The following CRTC3 variants were observed in gnomAD, a reference collection of about 807,000 sequenced individuals.
The protein encoded by CRTC3 is CREB regulated transcription coactivator 3.
In CRTC3, 26 loss-of-function variants were observed where a neutral mutation model predicts 74.5. The ratio of observed to expected loss-of-function variants is 0.35; its 90% CI spans 0.26 to 0.48. The LOEUF (loss-of-function observed/expected upper bound fraction) is 0.48. Ranked by LOEUF, CRTC3 falls within the 20% of genes least tolerant of loss-of-function variation. CRTC3 has a pLI of 0.99. For missense variants in CRTC3, 760 were observed against 787.3 expected, an observed-to-expected ratio of 0.97 and a Z score of 0.41; for synonymous variants, 377 against 325.8, an observed-to-expected ratio of 1.16 and a Z score of -1.69.
intron 6 of CRTC3, among the ~76,000 whole-genome samples, chr15:90,609,823 A>G (rs1247631596): frequency 6.6e-6 from 1 of 152,212 alleles, no homozygotes; most frequent in Non-Finnish European, 1.5e-5. Flanking sequence ...AGGAAGAAAG[A>G]AAGAAATCCT....
intron 2 of CRTC3, among the ~76,000 whole-genome samples, chr15:90,584,628 G>A (rs1832939918): frequency 6.6e-6 from 1 of 152,218 alleles, no homozygotes; most frequent in South Asian, 2.1e-4. Context: ...TGGCCAATCT[G>A]TCGCACATTT....
rs902216414 is a variant in CRTC3, at chr15:90,540,199, C to A, written c.231+62C>A. 2.6e-6 allele frequency: 3 copies of A among 1,148,466 alleles called. No individual in the cohort carries two copies. The Admixed American group carries it at 6.5e-5, about 25-fold the overall frequency. 71.1% of individuals were successfully genotyped at this position (1,148,466 alleles called of 1,614,324 possible). ...AGTGTAAAAAATAGACAAAGATTAT[C>A]ACTAAAAAGATGAGATCTTGAAGGA... On this transcript the variant is annotated intron_variant, in intron 2 of 14. Transcript: ENST00000268184.
chr15:90,602,512 C>A (rs1968095891), intron 4 of CRTC3, 127 bp downstream of exon 4: 1 of 623,262 alleles, frequency 1.6e-6, no homozygotes, highest in Non-Finnish European at 2.8e-6. Flanking sequence ...TCTCTTATAA[C>A]ATTTAATTTC....
chr15:90,574,782 T>A (rs1209356043), intron 2 of CRTC3, among the ~76,000 whole-genome samples: 3 of 152,226 alleles, frequency 2.0e-5, no homozygotes, highest in Non-Finnish European at 4.4e-5. Flanking sequence ...TTTTAATTTG[T>A]GCATTTTTCT....
At position 90,638,559 on chromosome 15, in the gene CRTC3, G is replaced by A. The variant is rs113656457; in HGVS notation, c.1380G>A (p.Gln460=). Reference sequence around the variant, plus strand: ...AGGAGCTCACCCAGCCCCTCCTGCAGCAGCCCCGCGCCCCTGAGGCCCCTG... The same window carrying A: ...AGGAGCTCACCCAGCCCCTCCTGCAACAGCCCCGCGCCCCTGAGGCCCCTG... ...APQELTQPLL[Q]QPRAPEAPAQ... is the part of the protein sequence containing the mutation. Residue 460 remains glutamine, a synonymous_variant, in exon 12 of 15, where the codon CAG becomes CAA. Coordinates refer to ENST00000268184, the MANE Select transcript of CRTC3 (RefSeq NM_022769.5). The A allele has an allele frequency of 1.5e-5, 25 of 1,613,072 alleles. No homozygotes were observed. In the East Asian group the frequency reaches 5.1e-4, roughly 33 times the overall value.
At chr15:90,546,348 A>G (rs1966844265) in intron 2 of CRTC3, among the ~76,000 whole-genome samples, 1 of 152,130 alleles carries the variant, frequency 6.6e-6, no homozygotes, top group Non-Finnish European at 1.5e-5. Context: ...TCAATTGACC[A>G]TATACATGTG....
chr15:90,598,997 C>T (rs1661534931), intron 3 of CRTC3: 1 of 164,792 alleles, frequency 6.1e-6, no homozygotes, highest in Admixed American at 6.0e-5. Context: ...TCCTTTGCCT[C>T]TCAGAGCAAT....
intron 2 of CRTC3, among the ~76,000 whole-genome samples, chr15:90,576,636 GA>G (rs1967411379): frequency 6.6e-6 from 1 of 152,162 alleles, no homozygotes; most frequent in African/African-American, 2.4e-5. Context: ...GTGCGAAGAA[GA>G]CTGGAAAGAA....
chr15:90,561,718 TCTAA>T (rs1178460558), intron 2 of CRTC3, among the ~76,000 whole-genome samples: 1 of 152,228 alleles, frequency 6.6e-6, no homozygotes, highest in Non-Finnish European at 1.5e-5. Flanking sequence ...AGTGATTATC[TCTAA>T]CTAGAATTTT....
At chr15:90,629,579 A>G (rs112815448) in intron 11 of CRTC3, 47 bp downstream of exon 11, 261 of 1,580,726 alleles carry the variant, frequency 1.7e-4, no homozygotes, top group Non-Finnish European at 2.2e-4. Flanking sequence ...ACAGACTGCA[A>G]GATATAGGAA....
chr15:90,601,678 G>A (rs1968074653), intron 3 of CRTC3, among the ~76,000 whole-genome samples: 2 of 151,940 alleles, frequency 1.3e-5, no homozygotes, highest in Admixed American at 1.3e-4. Context: ...TAAGTACCAG[G>A]AACCCACCTT....
intron 3 of CRTC3, chr15:90,599,020 G>C (rs1247071959): frequency 6.4e-6 from 1 of 156,526 alleles, no homozygotes; most frequent in Non-Finnish European, 1.4e-5. Flanking sequence ...AGGCAGGTGT[G>C]GCCTGAGGCT....
rs115012981 is a variant in CRTC3, at chr15:90,543,605, T to C, written c.231+3468T>C. On this transcript the variant is annotated intron_variant, in intron 2 of 14. Coordinates refer to ENST00000268184, the MANE Select transcript of CRTC3 (RefSeq NM_022769.5). ...GCTTGAAGCGCAAGCTAATCTATTA[T>C]TTTTATTTTGATCTTCACATTCTCC... Among the ~76,000 whole-genome samples, 400 of 152,342 alleles carry C rather than the reference T, an allele frequency of 2.6e-3. 2 individuals carry two copies. Among genetic ancestry groups the C allele is most frequent in the African/African-American group, 9.5e-3 (393 of 41,580 alleles).
At chr15:90,543,503 A>G (rs933109848) in intron 2 of CRTC3, among the ~76,000 whole-genome samples, 1 of 152,016 alleles carries the variant, frequency 6.6e-6, no homozygotes, top group African/African-American at 2.4e-5. Context: ...ATAATCTATT[A>G]TTTTATTTAT....
chr15:90,627,237 G>C (rs184931533), intron 10 of CRTC3, among the ~76,000 whole-genome samples: 2 of 152,222 alleles, frequency 1.3e-5, no homozygotes, highest in Admixed American at 1.3e-4. Flanking sequence ...CTTTATTTTT[G>C]TTTTTTGGGT....
chr15:90,592,810 A>G (rs1967831260), intron 2 of CRTC3, among the ~76,000 whole-genome samples: 2 of 152,228 alleles, frequency 1.3e-5, no homozygotes, highest in South Asian at 2.1e-4. Flanking sequence ...GGGAGCAGCC[A>G]TGCTCAACTT....
At chr15:90,560,077 T>C (rs903246276) in intron 2 of CRTC3, among the ~76,000 whole-genome samples, 14 of 152,282 alleles carry the variant, frequency 9.2e-5, no homozygotes, top group Admixed American at 3.3e-4. Flanking sequence ...TTATATGTTA[T>C]AAATAGCTTT....
chr15:90,641,781 G>A (rs1969453607), intron 14 of CRTC3, 151 bp from the exon 15 acceptor site: 1 of 652,724 alleles, frequency 1.5e-6, no homozygotes. Context: ...TGACAAGAAT[G>A]TAGATTCCAG....
At chr15:90,637,629 C>T (rs1161268597) in intron 11 of CRTC3, among the ~76,000 whole-genome samples, 1 of 152,052 alleles carries the variant, frequency 6.6e-6, no homozygotes, top group African/African-American at 2.4e-5. Context: ...ATCCAGAGAC[C>T]CTTAGTTTTA....
Sources: allele counts gnomAD v4.1 joint callset (sites outside exome capture counted in the v4.1 genomes callset), GRCh38; gene constraint gnomAD v4.1.1; transcripts MANE v1.5; gene names NCBI Gene and HGNC (gene_info 2026-07-23, HGNC 2026-07-21).